RIF1: variants seen among roughly 807,000 people sequenced by gnomAD.
RIF1 encodes replication timing regulatory factor 1.
Under a neutral mutation model 247.1 loss-of-function variants are expected in RIF1, and 45 were observed. That is an observed-to-expected ratio of 0.18 (90% CI 0.14 to 0.23). The LOEUF is 0.23. RIF1 is among the 10% of genes least tolerant of loss of function. The pLI is 1.00. For missense variants in RIF1, 2,967 were observed against 2,862.5 expected (o/e 1.04, Z -0.83); for synonymous variants, 1,087 against 978.8 (o/e 1.11, Z -2.06).
intron 13 of RIF1, chr2:151,507,142 T>C: frequency 1.6e-6 from 1 of 608,262 alleles, no homozygotes. Flanking sequence ...ATAATTATGG[T>C]CTGGTAGCCC....
intron 27 of RIF1, 59 bp from the exon 28 acceptor site, chr2:151,462,183 T>A: frequency 8.0e-7 from 1 of 1,246,348 alleles, no homozygotes. Flanking sequence ...ATAAGTTTAA[T>A]TTCTAATTGT....
chr2:151,423,302 G>T (rs931558959), intron 8 of RIF1: 5 of 355,438 alleles, frequency 1.4e-5, no homozygotes, highest in Non-Finnish European at 5.0e-6. Context: ...GCAAGGTTAC[G>T]CTCTGCCTTT....
chr2:151,524,011 C>G, the RIF1 span, among the ~76,000 whole-genome samples: 1 of 152,264 alleles, frequency 6.6e-6, no homozygotes, highest in African/African-American at 2.4e-5. Flanking sequence ...ACTCTTAAGG[C>G]CTGGGGAGAG....
rs1696827828 is a variant in RIF1, at chr2:151,466,105, A to G, written c.6585A>G (p.Ser2195=). Residue 2195 remains serine (S), a synonymous_variant, in exon 30 of 36, where the codon TCA becomes TCG. Transcript: ENST00000444746. ...GLKRSQEDEI[S]SPVNKVRRVS... ...AAAGATCCCAAGAAGATGAAATCTC[A>G]TCACCTGTTAATAAGGTAAGGGGAA... The G allele has an allele frequency of 6.4e-7, 1 of 1,572,880 alleles. No homozygotes were observed. Among genetic ancestry groups the G allele is most frequent in the African/African-American group, 1.4e-5 (1 of 73,358 alleles).
At position 151,468,810 on chromosome 2, in the gene RIF1, A is replaced by G. The variant is rs1574157089; in HGVS notation, c.6941+54A>G. ...TATTCCAAGATGCCACTTATTTAAG[A>G]GGACTTATCTGATTGCTTGGTTCTC... On this transcript the variant is annotated intron_variant, in intron 33 of 35. Transcript: ENST00000444746. 5 of 1,205,616 alleles carry G rather than the reference A, an allele frequency of 4.1e-6. No individual in the cohort carries two copies. The East Asian group carries it at 1.2e-4, about 28-fold the overall frequency. The allele number at this position is 1,205,616 out of a possible 1,614,324, so 74.7% of individuals were successfully genotyped here.
the RIF1 span, chr2:151,530,692 C>T: frequency 1.5e-5 from 4 of 262,256 alleles, no homozygotes; most frequent in South Asian, 1.3e-4. Flanking sequence ...GTTCCTGTCT[C>T]GTCTACACAA....
intron 11 of RIF1, among the ~76,000 whole-genome samples, chr2:151,500,338 A>G (rs1032798905): frequency 6.6e-6 from 1 of 152,118 alleles, no homozygotes; most frequent in African/African-American, 2.4e-5. Context: ...AAATCCATCT[A>G]AATTTTCCTA....
rs186508389 is a variant in RIF1 at position 151,481,561 on chromosome 2, T to C, written c.*6490T>C. On this transcript the variant is annotated 3_prime_UTR_variant, in exon 36 of 36. Transcript: ENST00000444746. ...CCCTCTAATATTGTTGTCCCGATCATTTGGTAAACGCTAAGAGAGCTTAGT... is the reference window on the plus strand; with the variant it reads ...CCCTCTAATATTGTTGTCCCGATCACTTGGTAAACGCTAAGAGAGCTTAGT... 1.1e-3 allele frequency: 169 copies of C among 152,344 alleles called. No homozygotes were observed. Among genetic ancestry groups the C allele is most frequent in the African/African-American group, 3.8e-3 (159 of 41,588 alleles). The allele number at this position is 152,344 out of a possible 1,614,324, so 9.4% of individuals were successfully genotyped here.
rs1388975128 is a variant in RIF1, at chr2:151,454,985, A to G, written c.2435A>G (p.Tyr812Cys). 14 of 1,613,750 alleles carry G rather than the reference A, an allele frequency of 8.7e-6. No homozygotes were observed. The highest frequency in any genetic ancestry group is 6.6e-5 in the South Asian group (6 of 91,058). The change falls in exon 22 of 36, where the codon TAT becomes TGT. Residue 812 changes from tyrosine (Y) to cysteine (C), a missense_variant. Tyr to Cys is a radical substitution (Grantham distance 194). This residue lies in a region of RIF1 where 2,028 missense variants were observed against 1,825.6 expected (regional missense o/e 1.11). Transcript: ENST00000444746. ...TTTAAACTTATTGTGAAAGTGATCT[A>G]TTCTTTCCACACACTGAGCTTCAAG... ...SLFKLIVKVI[Y>C]SFHTLSFKEA...
the RIF1 span, chr2:151,527,606 A>C: frequency 1.9e-6 from 3 of 1,573,976 alleles, no homozygotes; most frequent in Non-Finnish European, 2.6e-6. Flanking sequence ...CAGGAGAGAA[A>C]GGAATCACTT....
chr2:151,440,204 A>G, intron 15 of RIF1, 77 bp downstream of exon 15: 2 of 829,490 alleles, frequency 2.4e-6, no homozygotes, highest in South Asian at 1.6e-5. Flanking sequence ...TATTTGCACA[A>G]ATCTAGTTTG....
chr2:151,513,655 TC>T, the RIF1 span: 3 of 1,608,564 alleles, frequency 1.9e-6, no homozygotes, highest in Non-Finnish European at 2.5e-6. Flanking sequence ...TCAGGCCTCT[TC>T]CTTTGACTTC....
chr2:151,475,086 AT>A lies in RIF1; in HGVS notation c.*17del, dbSNP rs1177369966. ...ATTCTATTTAGTATTTTCAGAGAAAATTGAAGGTTTTTTTAAACATCACTGG... is the reference window on the plus strand; with the variant it reads ...ATTCTATTTAGTATTTTCAGAGAAAATGAAGGTTTTTTTAAACATCACTGG... On this transcript the variant is annotated 3_prime_UTR_variant, in exon 36 of 36. Coordinates refer to ENST00000444746, the MANE Select transcript of RIF1 (RefSeq NM_018151.5). 6.4e-7 allele frequency: 1 copy of A among 1,567,088 alleles called. No homozygotes were observed. Among genetic ancestry groups the A allele is most frequent in the Admixed American group, 1.7e-5 (1 of 59,896 alleles).
chr2:151,473,761 T>C (rs563509577), intron 34 of RIF1, among the ~76,000 whole-genome samples: 1 of 152,290 alleles, frequency 6.6e-6, no homozygotes, highest in African/African-American at 2.4e-5. Context: ...AACCCTCTCT[T>C]TGAGGAAATA....
At chr2:151,524,685 GAGA>G in the RIF1 span, 2 of 811,368 alleles carry the variant, frequency 2.5e-6, no homozygotes, top group Non-Finnish European at 1.6e-6. Context: ...TTTTTTTTTT[GAGA>G]TGGAATCTCA....
intron 14 of RIF1, 33 bp from the exon 15 acceptor site, chr2:151,439,994 A>G: frequency 1.1e-6 from 1 of 872,734 alleles, no homozygotes; most frequent in Non-Finnish European, 1.8e-6. Context: ...AAAAAAAAAA[A>G]AGAACTATAC....
At chr2:151,516,827 C>T in the RIF1 span, among the ~76,000 whole-genome samples, 1 of 152,140 alleles carries the variant, frequency 6.6e-6, no homozygotes, top group Non-Finnish European at 1.5e-5. Context: ...CAAGAGCCAG[C>T]TGAGAGAAAT....
the RIF1 span, among the ~76,000 whole-genome samples, chr2:151,524,787 C>T: frequency 6.7e-6 from 1 of 149,964 alleles, no homozygotes; most frequent in African/African-American, 2.5e-5. Context: ...CTGCCTCAGC[C>T]TCCCGAGTAG....
At chr2:151,501,343 G>C (rs1257310308) in intron 11 of RIF1, 1 of 1,264,064 alleles carries the variant, frequency 7.9e-7, no homozygotes. Context: ...CTGTTTTGTA[G>C]AAATTATTAT....
Sources: allele counts gnomAD v4.1 joint callset (sites outside exome capture counted in the v4.1 genomes callset), GRCh38; gene constraint gnomAD v4.1.1; regional missense constraint gnomAD v4.1.1; transcripts MANE v1.5; gene names NCBI Gene and HGNC (gene_info 2026-07-23, HGNC 2026-07-21).